Variants in SERINC5 observed in about 807,000 individuals in gnomAD.
SERINC5 encodes the protein serine incorporator 5, also known as chromosome 5 open reading frame 12.
SERINC5 carries 41 observed loss-of-function variants against 63.1 expected under a neutral mutation model. The ratio of observed to expected loss-of-function variants is 0.65; its 90% CI spans 0.51 to 0.84. SERINC5 has a LOEUF of 0.84. SERINC5 is among the 40% of genes least tolerant of loss of function. The pLI, the probability that SERINC5 is intolerant of heterozygous loss-of-function variation, is 0.00. For missense variants in SERINC5, 523 were observed against 573.0 expected, an observed-to-expected ratio of 0.91 and a Z score of 0.89; for synonymous variants, 222 against 215.2, an observed-to-expected ratio of 1.03 and a Z score of -0.28.
chr5:80,215,250 G>A (rs776240425), intron 1 of SERINC5, among the ~76,000 whole-genome samples: 1 of 152,114 alleles, frequency 6.6e-6, no homozygotes, highest in African/African-American at 2.4e-5. Flanking sequence ...CTGGTCATCT[G>A]AAGTGTGGGA....
At chr5:80,228,831 T>C (rs1048755122) in intron 1 of SERINC5, among the ~76,000 whole-genome samples, 1 of 152,072 alleles carries the variant, frequency 6.6e-6, no homozygotes, top group Non-Finnish European at 1.5e-5. Context: ...TTCTTGTTGA[T>C]AGCATTAGAA....
chr5:80,136,102 C>T (rs1252404287), downstream of SERINC5, among the ~76,000 whole-genome samples: 2 of 152,026 alleles, frequency 1.3e-5, no homozygotes, highest in African/African-American at 4.8e-5. Context: ...GTGGCTCACA[C>T]CTGTAATCCC....
rs548096722 is a variant in SERINC5 at position 80,160,098 on chromosome 5, G to A, written c.860-1136C>T. Among the ~76,000 whole-genome samples, 7 of 152,252 alleles carry A rather than the reference G, an allele frequency of 4.6e-5. No individual in the cohort carries two copies. In the South Asian group the frequency reaches 1.5e-3, roughly 32 times the overall value. ...GGACTTGTGACCAGTGGGAATGGTA[G>A]GGCTGTTTTGTGGAATTGAGCCTTC... On this transcript the variant is annotated intron_variant, in intron 7 of 11. Coordinates refer to ENST00000507668, the MANE Select transcript of SERINC5 (RefSeq NM_001174072.3).
At chr5:80,181,138 C>A (rs1297472714) in intron 2 of SERINC5, among the ~76,000 whole-genome samples, 1 of 152,178 alleles carries the variant, frequency 6.6e-6, no homozygotes, top group African/African-American at 2.4e-5. Flanking sequence ...GGGACAGCAG[C>A]AGTGTCACGT....
intron 1 of SERINC5, among the ~76,000 whole-genome samples, chr5:80,212,670 G>GGGGGGGGGA (rs1561430937): frequency 7.1e-6 from 1 of 140,876 alleles, no homozygotes; most frequent in African/African-American, 2.6e-5. Context: ...TGGGGTGGGG[G>GGGGGGGGGA]GGGGGTGTTG....
chr5:80,217,491 G>T (rs1413609275), intron 1 of SERINC5, among the ~76,000 whole-genome samples: 1 of 152,186 alleles, frequency 6.6e-6, no homozygotes, highest in Non-Finnish European at 1.5e-5. Flanking sequence ...TCATTTCACT[G>T]CTCTCAGAGA....
intron 1 of SERINC5, among the ~76,000 whole-genome samples, chr5:80,228,467 T>C (rs1362400670): frequency 6.6e-6 from 1 of 151,830 alleles, no homozygotes; most frequent in Non-Finnish European, 1.5e-5. Context: ...GAATTTTTTT[T>C]TTGTTTAAGA....
intron 9 of SERINC5, among the ~76,000 whole-genome samples, chr5:80,147,922 C>A (rs1235751311): frequency 6.6e-6 from 1 of 152,154 alleles, no homozygotes; most frequent in Non-Finnish European, 1.5e-5. Flanking sequence ...GGCAGGTTAA[C>A]TGGCCAAAGT....
intron 7 of SERINC5, among the ~76,000 whole-genome samples, chr5:80,160,655 G>A (rs902114061): frequency 6.6e-6 from 1 of 152,076 alleles, no homozygotes; most frequent in Non-Finnish European, 1.5e-5. Flanking sequence ...ACCAAATAAT[G>A]TGTATTCTAC....
At chr5:80,152,785 AC>A in intron 8 of SERINC5, among the ~76,000 whole-genome samples, 1 of 152,186 alleles carries the variant, frequency 6.6e-6, no homozygotes, top group Non-Finnish European at 1.5e-5. Context: ...TAGTAAAAAT[AC>A]AAAAATTAGC....
chr5:80,255,694 G>A (rs1752638387), intron 1 of SERINC5, among the ~76,000 whole-genome samples: 1 of 152,174 alleles, frequency 6.6e-6, no homozygotes, highest in African/African-American at 2.4e-5. Context: ...TAGCCTCTCG[G>A]GCTTCCCCCT....
At chr5:80,221,464 A>G (rs949131263) in intron 1 of SERINC5, among the ~76,000 whole-genome samples, 21 of 152,188 alleles carry the variant, frequency 1.4e-4, no homozygotes, top group African/African-American at 5.1e-4. Context: ...GCAGTCTCTG[A>G]AAAAGGTATC....
At chr5:80,176,134 G>A (rs779800651) in intron 4 of SERINC5, among the ~76,000 whole-genome samples, 11 of 152,086 alleles carry the variant, frequency 7.2e-5, no homozygotes, top group Non-Finnish European at 1.5e-5. Context: ...AGGCGAGATC[G>A]TGCCACTGCA....
intron 11 of SERINC5, among the ~76,000 whole-genome samples, chr5:80,121,396 A>C (rs927724237): frequency 3.2e-4 from 49 of 151,860 alleles, no homozygotes; most frequent in Non-Finnish European, 8.8e-5. Flanking sequence ...TCTCAGGATG[A>C]CCTCCCTGAG....
At chr5:80,241,654 T>C (rs1024929695) in intron 1 of SERINC5, among the ~76,000 whole-genome samples, 3 of 151,732 alleles carry the variant, frequency 2.0e-5, no homozygotes, top group East Asian at 1.9e-4. Flanking sequence ...TGAGCTATGA[T>C]TGCACCTCTG....
At chr5:80,211,767 G>T (rs1406471203) in intron 1 of SERINC5, among the ~76,000 whole-genome samples, 1 of 152,178 alleles carries the variant, frequency 6.6e-6, no homozygotes, top group Non-Finnish European at 1.5e-5. Flanking sequence ...GTTCTGCATG[G>T]TAACAGCTCA....
chr5:80,206,252 A>G (rs1013705267), intron 1 of SERINC5, among the ~76,000 whole-genome samples: 2 of 152,246 alleles, frequency 1.3e-5, no homozygotes, highest in Non-Finnish European at 2.9e-5. Context: ...CAAGGCTTCA[A>G]AACAAGCATC....
downstream of SERINC5, among the ~76,000 whole-genome samples, chr5:80,137,728 G>C (rs920133379): frequency 1.3e-4 from 19 of 151,462 alleles, no homozygotes; most frequent in African/African-American, 4.6e-4. Flanking sequence ...GATTGCTTGA[G>C]GTCGGGAGTT....
chr5:80,221,788 T>G (rs1160506109), intron 1 of SERINC5, among the ~76,000 whole-genome samples: 1 of 115,448 alleles, frequency 8.7e-6, no homozygotes, highest in Non-Finnish European at 1.8e-5. Context: ...CAAGACAACT[T>G]TAGCAAAAAA....
Sources: gnomAD v4.1 joint callset for allele counts (sites outside exome capture counted in the v4.1 genomes callset) on GRCh38, gnomAD v4.1.1 for gene constraint, MANE v1.5 for transcripts, NCBI Gene and HGNC (gene_info 2026-07-23, HGNC 2026-07-21) for gene names.